The following ASPRV1 variants were observed in gnomAD, a reference collection of about 807,000 sequenced individuals.
The protein encoded by ASPRV1 is retroviral-like aspartic protease 1.
ASPRV1 carries 7 observed loss-of-function variants against 11.0 expected under a neutral mutation model. The ratio of observed to expected loss-of-function variants is 0.64; its 90% CI spans 0.36 to 1.20. The LOEUF (loss-of-function observed/expected upper bound fraction) is 1.20, where lower values mean the gene tolerates loss of function less well. ASPRV1 is among the 50% of genes most tolerant of loss of function. The pLI, the probability that ASPRV1 is intolerant of heterozygous loss-of-function variation, is 0.02. For synonymous variants in ASPRV1, 136 were observed against 138.4 expected, an observed-to-expected ratio of 0.98 and a Z score of 0.12; for missense variants, 299 against 320.0, an observed-to-expected ratio of 0.93 and a Z score of 0.50.
chr2:69,933,200 C>CAAAAA, the ASPRV1 span, among the ~76,000 whole-genome samples: 3 of 80,152 alleles, frequency 3.7e-5, no homozygotes, highest in East Asian at 3.6e-4. Flanking sequence ...AACTCTGTCT[C>CAAAAA]AAAAAAAAAA....
At chr2:69,964,816 C>G (rs1678281173), upstream of ASPRV1, 1 of 152,564 alleles carries the variant, frequency 6.6e-6, no homozygotes, top group South Asian at 2.1e-4. Context: ...CAGCCCAATT[C>G]TTTCTCAGCT....
downstream of ASPRV1, among the ~76,000 whole-genome samples, chr2:69,959,472 G>A (rs1413444261): frequency 1.3e-5 from 2 of 152,052 alleles, no homozygotes; most frequent in Admixed American, 6.5e-5. Context: ...AAGCAAATAC[G>A]AGATGGACCC....
the ASPRV1 span, among the ~76,000 whole-genome samples, chr2:70,037,036 C>T: frequency 6.6e-6 from 1 of 152,134 alleles, no homozygotes; most frequent in African/African-American, 2.4e-5. Context: ...AGGGAGTCTC[C>T]ACTCCCACCT....
the ASPRV1 span, among the ~76,000 whole-genome samples, chr2:69,984,839 A>T: frequency 9.3e-4 from 139 of 149,054 alleles, no homozygotes; most frequent in African/African-American, 3.4e-3. Flanking sequence ...GGCTGGTCTC[A>T]AACTCCTGTC....
rs747866005 is a variant in ASPRV1 at position 69,960,787 on chromosome 2, C to T, written c.650G>A (p.Arg217His). ...CTTCTTCCCTTTCAGGGTGCATGTG[C>T]GGTGCTCAAAGTCCAGGATAGCATT... ...DHNAILDFEHRTCTLKGKKFR... is the reference protein window; with the variant it reads ...DHNAILDFEHHTCTLKGKKFR... The change falls in exon 1 of 1, where the codon CGC becomes CAC. Residue 217 changes from arginine (R) to histidine (H), a missense_variant. Physicochemically the swap from Arg to His is conservative, Grantham distance 29. Transcript: ENST00000320256. 20 of 1,614,072 alleles carry T rather than the reference C, an allele frequency of 1.2e-5. No individual in the cohort carries two copies. The highest frequency in any genetic ancestry group is 6.7e-5 in the African/African-American group (5 of 75,018).
the ASPRV1 span, among the ~76,000 whole-genome samples, chr2:70,020,604 T>C: frequency 2.6e-5 from 4 of 152,038 alleles, no homozygotes; most frequent in Non-Finnish European, 5.9e-5. Flanking sequence ...TTAGCCGGTG[T>C]GGTGGCACGC....
the ASPRV1 span, among the ~76,000 whole-genome samples, chr2:69,936,779 C>T: frequency 1.3e-5 from 2 of 152,120 alleles, no homozygotes; most frequent in African/African-American, 4.8e-5. Context: ...TTTGGCATGA[C>T]ACAAAAAAGT....
the ASPRV1 span, among the ~76,000 whole-genome samples, chr2:70,034,046 C>T: frequency 1.3e-4 from 19 of 148,670 alleles, no homozygotes; most frequent in Non-Finnish European, 2.5e-4. Flanking sequence ...CCCAGCTACA[C>T]GGGAGGCTGA....
chr2:70,020,255 A>T, the ASPRV1 span, among the ~76,000 whole-genome samples: 1 of 152,194 alleles, frequency 6.6e-6, no homozygotes, highest in Non-Finnish European at 1.5e-5. Flanking sequence ...ATACAATTGA[A>T]TTGAAAGTAG....
At chr2:70,047,452 G>A in the ASPRV1 span, among the ~76,000 whole-genome samples, 65 of 152,218 alleles carry the variant, frequency 4.3e-4, no homozygotes, top group East Asian at 7.9e-3. Context: ...GAAACTGCCC[G>A]TTCTCTGTTC....
the ASPRV1 span, among the ~76,000 whole-genome samples, chr2:69,943,495 A>G: frequency 6.6e-6 from 1 of 152,156 alleles, no homozygotes; most frequent in African/African-American, 2.4e-5. Flanking sequence ...GGCAGAGTCC[A>G]GCTTCGTGGG....
chr2:69,938,157 GC>G, the ASPRV1 span: 1 of 1,614,260 alleles, frequency 6.2e-7, no homozygotes, highest in Non-Finnish European at 8.5e-7. Context: ...GACTGGAGCA[GC>G]AGCAGTGTGA....
the ASPRV1 span, among the ~76,000 whole-genome samples, chr2:69,947,793 C>T: frequency 1.5e-3 from 229 of 152,174 alleles, 1 homozygote; most frequent in Non-Finnish European, 2.6e-3. Context: ...TGGAAACAAA[C>T]TTGCCAAGGA....
At chr2:69,958,029 G>T (rs572969552), downstream of ASPRV1, among the ~76,000 whole-genome samples, 1 of 152,150 alleles carries the variant, frequency 6.6e-6, no homozygotes, top group Admixed American at 6.5e-5. Flanking sequence ...TGGGAGGCAG[G>T]TGTGAACTCC....
At chr2:69,949,445 C>A in the ASPRV1 span, among the ~76,000 whole-genome samples, 1 of 152,074 alleles carries the variant, frequency 6.6e-6, no homozygotes, top group African/African-American at 2.4e-5. Flanking sequence ...GCCTTGATCA[C>A]CATCGGAATT....
the ASPRV1 span, chr2:69,935,509 T>C: frequency 9.8e-5 from 133 of 1,356,834 alleles, no homozygotes; most frequent in Non-Finnish European, 5.2e-5. Context: ...ACCTGTTCAG[T>C]GAGGGTTTGT....
chr2:69,935,078 C>T, the ASPRV1 span, among the ~76,000 whole-genome samples: 1 of 152,190 alleles, frequency 6.6e-6, no homozygotes, highest in African/African-American at 2.4e-5. Flanking sequence ...ATAGTATTTA[C>T]ACATGTGAAT....
the ASPRV1 span, among the ~76,000 whole-genome samples, chr2:69,950,561 G>C: frequency 6.6e-6 from 1 of 152,120 alleles, no homozygotes; most frequent in Non-Finnish European, 1.5e-5. Context: ...AATAGGGGAG[G>C]CTGGGCGCAG....
chr2:70,068,206 G>C, the ASPRV1 span, among the ~76,000 whole-genome samples: 6 of 152,230 alleles, frequency 3.9e-5, no homozygotes, highest in South Asian at 2.1e-4. Flanking sequence ...CAGTGATCAA[G>C]TGGCCTTGCT....
Sources: gnomAD v4.1 joint callset for allele counts (sites outside exome capture counted in the v4.1 genomes callset) on GRCh38, gnomAD v4.1.1 for gene constraint, MANE v1.5 for transcripts, NCBI Gene and HGNC (gene_info 2026-07-23, HGNC 2026-07-21) for gene names.